KAT7: variants seen among roughly 807,000 people sequenced by gnomAD.
KAT7 encodes lysine acetyltransferase 7.
KAT7 carries 10 observed loss-of-function variants against 82.1 expected under a neutral mutation model. The observed-to-expected ratio is 0.12, with a 90% CI of 0.08 to 0.21. KAT7 has a LOEUF of 0.21. Among genes scored for constraint, KAT7 ranks in the 10% least tolerant of loss-of-function variants. The pLI is 1.00. For missense variants in KAT7, 378 were observed against 760.9 expected (o/e 0.50, Z 5.92); for synonymous variants, 250 against 262.5 (o/e 0.95, Z 0.46).
intron 7 of KAT7, among the ~76,000 whole-genome samples, chr17:49,814,724 T>C (rs542275085): frequency 7.9e-5 from 12 of 152,232 alleles, no homozygotes; most frequent in South Asian, 4.1e-4. Context: ...CTTTTTTTTT[T>C]CCAGTGTTCC....
At position 49,833,824 on chromosome 17, in the gene KAT7, G is replaced by A. The variant is rs1281512586; in HGVS notation, c.*6322G>A. On this transcript the variant is annotated 3_prime_UTR_variant, in exon 15 of 15. Transcript: ENST00000259021. ...TATGAGAATACTGTTTTAACCACAC[G>A]TTTTGGAATGGTTTGATACATGGCA... The A allele has an allele frequency of 6.6e-6, 1 of 152,314 alleles. No homozygotes were observed. The highest frequency in any genetic ancestry group is 2.4e-5 in the African/African-American group (1 of 41,566). 9.4% of individuals were successfully genotyped at this position (152,314 alleles called of 1,614,324 possible). A position where few individuals can be genotyped will look rare whatever the true frequency, so the allele number is the denominator to read the frequency against.
intron 5 of KAT7, among the ~76,000 whole-genome samples, chr17:49,807,496 G>C (rs911999958): frequency 2.0e-5 from 3 of 152,236 alleles, no homozygotes; most frequent in Non-Finnish European, 4.4e-5. Flanking sequence ...TGTATGGCTG[G>C]ATCCAGATCA....
At chr17:49,826,363 T>C (rs1432692643) in intron 13 of KAT7, 7 of 522,822 alleles carry the variant, frequency 1.3e-5, no homozygotes, top group Middle Eastern at 5.0e-4. Context: ...TTAATTCTTA[T>C]AAAAGTCAAG....
At chr17:49,810,680 T>C (rs1039363817) in intron 6 of KAT7, among the ~76,000 whole-genome samples, 1 of 152,232 alleles carries the variant, frequency 6.6e-6, no homozygotes, top group Non-Finnish European at 1.5e-5. Context: ...AAATGATTAG[T>C]TGAAATGATC....
At chr17:49,804,365 C>T (rs2074064683) in intron 4 of KAT7, among the ~76,000 whole-genome samples, 1 of 148,596 alleles carries the variant, frequency 6.7e-6, no homozygotes, top group Admixed American at 6.7e-5. Context: ...GGCAACAGAG[C>T]GAGACTCCGT....
chr17:49,814,043 C>A (rs1598076913), intron 7 of KAT7, among the ~76,000 whole-genome samples: 1 of 152,014 alleles, frequency 6.6e-6, no homozygotes, highest in Non-Finnish European at 1.5e-5. Context: ...AGGTGTGGGC[C>A]ACCACACCCA....
chr17:49,803,888 G>A (rs1334411036), intron 4 of KAT7, among the ~76,000 whole-genome samples: 2 of 144,546 alleles, frequency 1.4e-5, no homozygotes, highest in East Asian at 4.1e-4. Context: ...CAAATTAAAT[G>A]TCTTTTTTTT....
At position 49,831,444 on chromosome 17, in the gene KAT7, C is replaced by A. The variant is rs2074424185; in HGVS notation, c.*3942C>A. The A allele has an allele frequency of 6.6e-6, 1 of 152,202 alleles. No individual in the cohort carries two copies. The highest frequency in any genetic ancestry group is 6.5e-5 in the Admixed American group (1 of 15,280). The allele number at this position is 152,202 out of a possible 1,614,324, so 9.4% of individuals were successfully genotyped here. A position where few individuals can be genotyped will look rare whatever the true frequency, so the allele number is the denominator to read the frequency against. On this transcript the variant is annotated 3_prime_UTR_variant, in exon 15 of 15. Transcript: ENST00000259021. ...GTCCCTTTACTTCCATGGTTTTCTT[C>A]ATTCCTCACCACAGCACAGTAAGGT...
chr17:49,819,953 T>C (rs1469201633), intron 9 of KAT7, among the ~76,000 whole-genome samples: 1 of 152,250 alleles, frequency 6.6e-6, no homozygotes, highest in African/African-American at 2.4e-5. Flanking sequence ...GTAAATTTGC[T>C]TAATAGAAAG....
At chr17:49,788,962 C>G (rs377390355) in intron 1 of KAT7, 113 bp downstream of exon 1, 1 of 977,274 alleles carries the variant, frequency 1.0e-6, no homozygotes. Context: ...CTCCCCCGAA[C>G]CTTGTTCAGC....
intron 4 of KAT7, among the ~76,000 whole-genome samples, chr17:49,801,282 C>T (rs2074021469): frequency 1.3e-5 from 2 of 152,040 alleles, no homozygotes; most frequent in South Asian, 2.1e-4. Flanking sequence ...CTCCCGGGCT[C>T]AAGTGATTCT....
At chr17:49,792,356 TC>T (rs1308900276) in intron 2 of KAT7, among the ~76,000 whole-genome samples, 1 of 152,194 alleles carries the variant, frequency 6.6e-6, no homozygotes, top group East Asian at 1.9e-4. Context: ...TGGAATGTTA[TC>T]CCTTCACTTT....
At chr17:49,799,404 G>A (rs2073994969) in intron 4 of KAT7, among the ~76,000 whole-genome samples, 1 of 152,150 alleles carries the variant, frequency 6.6e-6, no homozygotes, top group Non-Finnish European at 1.5e-5. Flanking sequence ...TTTTTGAGAT[G>A]GAGTCTTGCT....
intron 5 of KAT7, 123 bp downstream of exon 5, chr17:49,805,568 A>G (rs573356884): frequency 2.3e-5 from 13 of 553,736 alleles, no homozygotes; most frequent in South Asian, 2.3e-4. Context: ...CTTACATTGT[A>G]GTGGAGGAAA....
At chr17:49,810,049 C>T (rs2074142364) in intron 6 of KAT7, among the ~76,000 whole-genome samples, 2 of 152,162 alleles carry the variant, frequency 1.3e-5, no homozygotes, top group Non-Finnish European at 2.9e-5. Context: ...AATTTGAATA[C>T]TGATTATTTA....
intron 2 of KAT7, among the ~76,000 whole-genome samples, chr17:49,793,078 A>T (rs926507923): frequency 6.6e-6 from 1 of 152,132 alleles, no homozygotes; most frequent in Non-Finnish European, 1.5e-5. Context: ...CTCCCAAAGT[A>T]CTGGGGTTAT....
At chr17:49,820,323 T>C (rs1348672008) in intron 9 of KAT7, among the ~76,000 whole-genome samples, 1 of 151,932 alleles carries the variant, frequency 6.6e-6, no homozygotes, top group Non-Finnish European at 1.5e-5. Flanking sequence ...AGTCTCGCTC[T>C]GTCACTTAGG....
In KAT7 at chr17:49,832,343, C is replaced by A. The variant is rs528018642; in HGVS notation, c.*4841C>A. 6.6e-6 allele frequency: 1 copy of A among 152,152 alleles called. No individual in the cohort carries two copies. Among genetic ancestry groups the A allele is most frequent in the Non-Finnish European group, 1.5e-5 (1 of 68,042 alleles). The allele number at this position is 152,152 out of a possible 1,614,324, so 9.4% of individuals were successfully genotyped here. ...CAACTTTGATTTGTACTGATTTGTCCCTATAGTTCTGGGTGGGGTGGGTCA... is the reference window on the plus strand; with the variant it reads ...CAACTTTGATTTGTACTGATTTGTCACTATAGTTCTGGGTGGGGTGGGTCA... On this transcript the variant is annotated 3_prime_UTR_variant, in exon 15 of 15. Coordinates refer to ENST00000259021, the MANE Select transcript of KAT7 (RefSeq NM_007067.5).
chr17:49,831,510 T>C lies in KAT7; in HGVS notation c.*4008T>C, dbSNP rs2074424689. ...CTTCTAGATGAAAAATTGAGGCTCA[T>C]AGTGGTCTTGCTGCTGTGTCATAGC... On this transcript the variant is annotated 3_prime_UTR_variant, in exon 15 of 15. Transcript: ENST00000259021. The C allele has an allele frequency of 6.6e-6, 1 of 152,270 alleles. No homozygotes were observed. The highest frequency in any genetic ancestry group is 2.1e-4 in the South Asian group (1 of 4,826). 9.4% of individuals were successfully genotyped at this position (152,270 alleles called of 1,614,324 possible).
Sources: allele counts gnomAD v4.1 joint callset (sites outside exome capture counted in the v4.1 genomes callset), GRCh38; gene constraint gnomAD v4.1.1; transcripts MANE v1.5; gene names NCBI Gene and HGNC (gene_info 2026-07-23, HGNC 2026-07-21).